Variants in SLC14A1 observed in about 807,000 individuals in gnomAD.
The protein encoded by SLC14A1 is urea transporter 1.
Under a neutral mutation model 39.6 loss-of-function variants are expected in SLC14A1, and 36 were observed. That is an observed-to-expected ratio of 0.91 (90% CI 0.70 to 1.20). The LOEUF is 1.20. Among genes scored for constraint, SLC14A1 ranks in the 50% most tolerant of loss-of-function variants. The pLI, the probability that SLC14A1 is intolerant of heterozygous loss-of-function variation, is 0.00. For missense variants in SLC14A1, 469 were observed against 478.7 expected (o/e 0.98, Z 0.19); for synonymous variants, 164 against 173.6 (o/e 0.94, Z 0.43).
chr18:45,726,472 T>C (rs537236822), intron 2 of SLC14A1, among the ~76,000 whole-genome samples: 5 of 152,310 alleles, frequency 3.3e-5, no homozygotes, highest in South Asian at 4.1e-4. Flanking sequence ...CTAAAAACTG[T>C]TTATTATTAA....
Position 45,731,133 on chromosome 18 carries a change from C to T in SLC14A1, c.270C>T (p.Pro90=). 4 of 1,614,152 alleles carry T rather than the reference C, an allele frequency of 2.5e-6. No individual in the cohort carries two copies. The highest frequency in any genetic ancestry group is 3.4e-6 in the Non-Finnish European group (4 of 1,180,010). ...LILVGLLVQN[P]WWALTGWLGT... ...TGGTAGGACTTCTTGTTCAGAACCC[C>T]TGGTGGGCTCTCACTGGCTGGCTGG... is the stretch of plus-strand genomic sequence containing the variant. The change falls in exon 4 of 10, where the codon CCC becomes CCT. Residue 90 remains proline (P), a synonymous_variant. Coordinates refer to ENST00000321925, the MANE Select transcript of SLC14A1 (RefSeq NM_015865.7).
In SLC14A1 at chr18:45,750,672, T is replaced by A. The variant is rs1322082253; in HGVS notation, c.*721T>A. On this transcript the variant is annotated 3_prime_UTR_variant, in exon 10 of 10. Transcript: ENST00000321925. ...AAAGGATTTTTTAGGTAGAGATTAT[T>A]TTTCCTTATGAAAAATGATCTGTTT... 1.0e-6 allele frequency: 1 copy of A among 985,574 alleles called. No individual in the cohort carries two copies. Among genetic ancestry groups the A allele is most frequent in the East Asian group, 1.1e-4 (1 of 8,820 alleles). 61.1% of individuals were successfully genotyped at this position (985,574 alleles called of 1,614,324 possible). A position where few individuals can be genotyped will look rare whatever the true frequency, so the allele number is the denominator to read the frequency against.
At chr18:45,749,677 T>C (rs1021792949) in intron 9 of SLC14A1, 101 bp from the exon 10 acceptor site, 7 of 1,347,562 alleles carry the variant, frequency 5.2e-6, no homozygotes, top group African/African-American at 2.9e-5. Flanking sequence ...CCCCCAGTGG[T>C]TCATCCCCCT....
At chr18:45,745,100 G>A (rs2047508502) in intron 8 of SLC14A1, among the ~76,000 whole-genome samples, 1 of 152,140 alleles carries the variant, frequency 6.6e-6, no homozygotes. Flanking sequence ...AAAATTAGCT[G>A]GGCGTGGTAG....
Position 45,751,326 on chromosome 18 carries a change from G to A in SLC14A1, c.*1375G>A. ...CTGCACTCCAACCTGGGCGACAAGA[G>A]TGAAACTGTGTCTCTCAAAAAAAAA... On this transcript the variant is annotated 3_prime_UTR_variant, in exon 10 of 10. Transcript: ENST00000321925. 1.1e-6 allele frequency: 1 copy of A among 905,474 alleles called. No individual in the cohort carries two copies. Among genetic ancestry groups the A allele is most frequent in the African/African-American group, 2.0e-5 (1 of 49,990 alleles). The allele number at this position is 905,474 out of a possible 1,614,324, so 56.1% of individuals were successfully genotyped here.
In SLC14A1 at chr18:45,739,682, G is replaced by C. The variant is rs776888170; in HGVS notation, c.946+20G>C. On this transcript the variant is annotated intron_variant, in intron 8 of 9. Transcript: ENST00000321925. Reference sequence around the variant, plus strand: ...GCTGTGGTGAGTCTCCCACGCCCCTGGGGGAGGGCTGCTCATGACTACAGG... The same window carrying C: ...GCTGTGGTGAGTCTCCCACGCCCCTCGGGGAGGGCTGCTCATGACTACAGG... 4 of 1,614,034 alleles carry C rather than the reference G, an allele frequency of 2.5e-6. No individual in the cohort carries two copies. The South Asian group carries it at 3.3e-5, about 13-fold the overall frequency.
rs1037911929 is a variant in SLC14A1, at chr18:45,725,033, C to T, written c.-22+20C>T. On this transcript the variant is annotated intron_variant, in intron 2 of 9. Transcript: ENST00000321925. Reference sequence around the variant, plus strand: ...ATTATAGTAAGTACCAAATAAGTGTCAATGCTGAAAGTCTCTTTATTATGC... The same window carrying T: ...ATTATAGTAAGTACCAAATAAGTGTTAATGCTGAAAGTCTCTTTATTATGC... 5 of 152,126 alleles carry T rather than the reference C, an allele frequency of 3.3e-5. No individual in the cohort carries two copies. The highest frequency in any genetic ancestry group is 5.9e-5 in the Non-Finnish European group (4 of 68,016). The allele number at this position is 152,126 out of a possible 1,614,324, so 9.4% of individuals were successfully genotyped here.
intron 5 of SLC14A1, among the ~76,000 whole-genome samples, chr18:45,736,199 T>TA (rs1430460002): frequency 2.6e-5 from 4 of 152,222 alleles, no homozygotes; most frequent in Non-Finnish European, 5.9e-5. Flanking sequence ...AAAATCTCAA[T>TA]ATATAGCTCA....
intron 5 of SLC14A1, among the ~76,000 whole-genome samples, chr18:45,735,136 T>C (rs999352032): frequency 3.3e-5 from 5 of 152,218 alleles, no homozygotes; most frequent in African/African-American, 1.2e-4. Context: ...TCTACTGTCA[T>C]TGGTCTGCGG....
intron 2 of SLC14A1, among the ~76,000 whole-genome samples, chr18:45,728,665 T>G (rs1389448942): frequency 6.6e-6 from 1 of 152,196 alleles, no homozygotes; most frequent in African/African-American, 2.4e-5. Flanking sequence ...TGCTTAATTA[T>G]TCATACGGTT....
chr18:45,735,696 T>C (rs2047173894), intron 5 of SLC14A1, among the ~76,000 whole-genome samples: 1 of 152,168 alleles, frequency 6.6e-6, no homozygotes, highest in Non-Finnish European at 1.5e-5. Context: ...CTTCAGGAAG[T>C]AATTTGGGCC....
At chr18:45,730,565 C>T in intron 3 of SLC14A1, 94 bp downstream of exon 3, 2 of 1,354,662 alleles carry the variant, frequency 1.5e-6, no homozygotes, top group Non-Finnish European at 2.1e-6. Context: ...GTTATATTCT[C>T]CAACTTTTTA....
At chr18:45,727,186 C>A in intron 2 of SLC14A1, 2 of 1,430,038 alleles carry the variant, frequency 1.4e-6, no homozygotes, top group Non-Finnish European at 9.6e-7. Context: ...CCTCAGCTTG[C>A]CTTTTGCGTG....
chr18:45,739,818 C>A, intron 8 of SLC14A1, 156 bp downstream of exon 8: 1 of 867,776 alleles, frequency 1.2e-6, no homozygotes. Flanking sequence ...GTGACGTCCC[C>A]TCTCTGAGAG....
At chr18:45,731,768 A>G (rs1320119077) in intron 4 of SLC14A1, 1 of 175,952 alleles carries the variant, frequency 5.7e-6, no homozygotes, top group Non-Finnish European at 1.2e-5. Context: ...TTATAAATTG[A>G]TCTGTCATTG....
rs1370687559 is a variant in SLC14A1, at chr18:45,739,515, C to T, written c.812-13C>T. The T allele has an allele frequency of 8.7e-6, 14 of 1,614,202 alleles. No homozygotes were observed. The highest frequency in any genetic ancestry group is 1.1e-5 in the Non-Finnish European group (13 of 1,180,010). ...CCTTTAGTCCTGAGTTCTGACCCCTCCTGTCTTAACAGGACTCAGTCTTTC... is the reference window on the plus strand; with the variant it reads ...CCTTTAGTCCTGAGTTCTGACCCCTTCTGTCTTAACAGGACTCAGTCTTTC... On this transcript the variant is annotated splice_polypyrimidine_tract_variant and intron_variant, in intron 7 of 9. Coordinates refer to ENST00000321925, the MANE Select transcript of SLC14A1 (RefSeq NM_015865.7).
chr18:45,735,413 C>G (rs1446136200), intron 5 of SLC14A1, among the ~76,000 whole-genome samples: 1 of 152,158 alleles, frequency 6.6e-6, no homozygotes, highest in Non-Finnish European at 1.5e-5. Context: ...CCCCCTTACC[C>G]ACCTGCCCCC....
rs10775479 is a variant in SLC14A1, at chr18:45,737,287, G to T, written c.663+639G>T. Among the ~76,000 whole-genome samples the T allele has an allele frequency of 8.7e-3, 1,322 of 152,170 alleles. 9 individuals carry two copies. Among genetic ancestry groups the T allele is most frequent in the Middle Eastern group, 0.024 (7 of 294 alleles). Reference sequence around the variant, plus strand: ...AGTTTGAGAACCACTGTATCAAGGGGTGAATCCTATGTATCTCTTTAAAGA... The same window carrying T: ...AGTTTGAGAACCACTGTATCAAGGGTTGAATCCTATGTATCTCTTTAAAGA... On this transcript the variant is annotated intron_variant, in intron 6 of 9. Coordinates refer to ENST00000321925, the MANE Select transcript of SLC14A1 (RefSeq NM_015865.7).
intron 4 of SLC14A1, among the ~76,000 whole-genome samples, chr18:45,732,957 T>G (rs2047077453): frequency 6.6e-6 from 1 of 152,346 alleles, no homozygotes; most frequent in South Asian, 2.1e-4. Flanking sequence ...TGCAGCAGCA[T>G]GGATGTATCT....
Sources: gnomAD v4.1 joint callset for allele counts (sites outside exome capture counted in the v4.1 genomes callset) on GRCh38, gnomAD v4.1.1 for gene constraint, MANE v1.5 for transcripts, NCBI Gene and HGNC (gene_info 2026-07-23, HGNC 2026-07-21) for gene names.